The following TUSC3 variants were observed in gnomAD, a reference collection of about 807,000 sequenced individuals.
TUSC3 encodes the protein tumor suppressor candidate 3.
TUSC3 carries 45 observed loss-of-function variants against 44.8 expected under a neutral mutation model. The observed-to-expected ratio is 1.00, with a 90% confidence interval of 0.79 to 1.29. TUSC3 has a LOEUF of 1.29. TUSC3 is among the 50% of genes most tolerant of loss of function. TUSC3 has a pLI of 0.00. For missense variants in TUSC3, 519 were observed against 437.9 expected (o/e 1.19, Z -1.65); for synonymous variants, 212 against 152.9 (o/e 1.39, Z -2.85).
intron 2 of TUSC3, among the ~76,000 whole-genome samples, chr8:15,511,954 T>C (rs893834244): frequency 6.6e-6 from 1 of 152,150 alleles, no homozygotes; most frequent in Non-Finnish European, 1.5e-5. Context: ...AATTTATCTA[T>C]AGATTCAATA....
chr8:15,626,602 C>G (rs1024521461), intron 2 of TUSC3, among the ~76,000 whole-genome samples: 2 of 152,210 alleles, frequency 1.3e-5, no homozygotes, highest in African/African-American at 2.4e-5. Flanking sequence ...TCTGCACTCT[C>G]AGTGGCCCAG....
intron 6 of TUSC3, among the ~76,000 whole-genome samples, chr8:15,725,551 G>C (rs898814968): frequency 6.6e-6 from 1 of 152,120 alleles, no homozygotes; most frequent in East Asian, 1.9e-4. Context: ...CCATCTGTGA[G>C]TCATATGACC....
upstream of TUSC3, among the ~76,000 whole-genome samples, chr8:15,539,306 C>A (rs1350094912): frequency 6.7e-5 from 10 of 149,322 alleles, no homozygotes. Flanking sequence ...CGGATCAGGC[C>A]CATATCAAAC....
chr8:15,608,725 C>G (rs1563131416), intron 1 of TUSC3, among the ~76,000 whole-genome samples: 1 of 152,082 alleles, frequency 6.6e-6, no homozygotes, highest in Non-Finnish European at 1.5e-5. Context: ...TGCCTGCCAC[C>G]ATGTAAGATG....
chr8:15,517,522 C>CAAAAAAAAAAAAAAAAAAAAAAA (rs71211049), intron 2 of TUSC3, among the ~76,000 whole-genome samples: 4 of 77,554 alleles, frequency 5.2e-5, no homozygotes, highest in African/African-American at 1.6e-4. Flanking sequence ...TAGCGTGAGG[C>CAAAAAAAAAAAAAAAAAAAAAAA]AAAAAAAAAA....
chr8:15,539,860 C>T (rs771320441), upstream of TUSC3, among the ~76,000 whole-genome samples: 1 of 151,968 alleles, frequency 6.6e-6, no homozygotes, highest in Non-Finnish European at 1.5e-5. Context: ...TTCTGTGCAT[C>T]GGGGGACTCT....
At chr8:15,545,147 A>G (rs1801821077) in intron 1 of TUSC3, among the ~76,000 whole-genome samples, 1 of 151,734 alleles carries the variant, frequency 6.6e-6, no homozygotes, top group Non-Finnish European at 1.5e-5. Context: ...TTAGAGGCTG[A>G]GTTATAACTG....
chr8:15,821,172 G>A, the TUSC3 span, among the ~76,000 whole-genome samples: 18 of 151,928 alleles, frequency 1.2e-4, no homozygotes, highest in Non-Finnish European at 2.4e-4. Flanking sequence ...TATAATTCTG[G>A]GTTGACAGTT....
chr8:15,821,007 C>G, the TUSC3 span, among the ~76,000 whole-genome samples: 1 of 152,080 alleles, frequency 6.6e-6, no homozygotes, highest in African/African-American at 2.4e-5. Context: ...ATTTCTGTTT[C>G]CAGATTTCTC....
intron 1 of TUSC3, among the ~76,000 whole-genome samples, chr8:15,566,208 A>G (rs918928774): frequency 6.6e-6 from 1 of 152,156 alleles, no homozygotes; most frequent in Non-Finnish European, 1.5e-5. Context: ...ATCTTTTGCC[A>G]TGACTAGACT....
chr8:15,467,861 C>G (rs1055319111), intron 1 of TUSC3, among the ~76,000 whole-genome samples: 1 of 152,040 alleles, frequency 6.6e-6, no homozygotes, highest in Non-Finnish European at 1.5e-5. Flanking sequence ...TCCACAATAC[C>G]TTTCTCTAAT....
chr8:15,451,438 A>G (rs754579375), intron 1 of TUSC3, among the ~76,000 whole-genome samples: 1 of 152,136 alleles, frequency 6.6e-6, no homozygotes, highest in Non-Finnish European at 1.5e-5. Flanking sequence ...CCAATGGCCA[A>G]TGATTTAACC....
intron 9 of TUSC3, among the ~76,000 whole-genome samples, chr8:15,750,210 A>G (rs1425264194): frequency 2.6e-5 from 4 of 151,730 alleles, no homozygotes; most frequent in African/African-American, 9.7e-5. Context: ...CGATCTCCTG[A>G]CCTCATGGTC....
intron 1 of TUSC3, among the ~76,000 whole-genome samples, chr8:15,418,662 G>A (rs1799689820): frequency 6.6e-6 from 1 of 152,204 alleles, no homozygotes. Flanking sequence ...ACAAGGTTAA[G>A]ACGAAGAGCT....
intron 2 of TUSC3, among the ~76,000 whole-genome samples, chr8:15,503,673 C>T (rs1438568313): frequency 6.6e-6 from 1 of 152,058 alleles, no homozygotes; most frequent in Non-Finnish European, 1.5e-5. Context: ...CACTCCACTC[C>T]AGCCTGGGTA....
At position 15,724,770 on chromosome 8, in the gene TUSC3, G is replaced by A. The variant is rs571740419; in HGVS notation, c.799-5896G>A. ...ACTTTTTCATGATGTTTTCAAGGAG[G>A]GTGAAAGAAAATAGATGGGAAAAGT... On this transcript the variant is annotated intron_variant, in intron 6 of 10. Coordinates refer to ENST00000503731, the MANE Select transcript of TUSC3 (RefSeq NM_006765.4). 2.0e-5 allele frequency among the ~76,000 whole-genome samples: 3 copies of A among 152,152 alleles called. No homozygotes were observed. The South Asian group carries it at 6.2e-4, about 32-fold the overall frequency.
At chr8:15,841,575 A>C in the TUSC3 span, among the ~76,000 whole-genome samples, 1 of 151,914 alleles carries the variant, frequency 6.6e-6, no homozygotes, top group South Asian at 2.1e-4. Flanking sequence ...GTGCAGTGGC[A>C]GGATCTCGGC....
intron 1 of TUSC3, among the ~76,000 whole-genome samples, chr8:15,419,068 C>A (rs1435521879): frequency 6.6e-6 from 1 of 152,096 alleles, no homozygotes; most frequent in Non-Finnish European, 1.5e-5. Flanking sequence ...TTCATGTGGG[C>A]ACCATATTAC....
At chr8:15,819,699 G>A in the TUSC3 span, among the ~76,000 whole-genome samples, 1 of 152,146 alleles carries the variant, frequency 6.6e-6, no homozygotes, top group Non-Finnish European at 1.5e-5. Context: ...CACTGAGTGC[G>A]ACTTGACTTA....
Sources: allele counts gnomAD v4.1 joint callset (sites outside exome capture counted in the v4.1 genomes callset), GRCh38; gene constraint gnomAD v4.1.1; transcripts MANE v1.5; gene names NCBI Gene and HGNC (gene_info 2026-07-23, HGNC 2026-07-21).